LCN6: variants seen among roughly 807,000 people sequenced by gnomAD.
LCN6 encodes epididymal-specific lipocalin-6.
In LCN6, 20 loss-of-function variants were observed where a neutral mutation model predicts 21.4. The observed-to-expected ratio is 0.93, with a 90% CI of 0.66 to 1.36. The LOEUF is 1.36. Ranked by LOEUF, LCN6 falls within the 40% of genes most tolerant of loss-of-function variation. The probability of loss-of-function intolerance (pLI) is 0.00; values close to 1 mark genes in which losing one functional copy is unlikely to be tolerated. For missense variants in LCN6, 217 were observed against 206.6 expected (o/e 1.05, Z -0.31); for synonymous variants, 96 against 89.0 (o/e 1.08, Z -0.44).
At chr9:136,745,559 A>G (rs12346364) in intron 3 of LCN6, 15,788 of 586,292 alleles carry the variant, frequency 0.027, 1,985 homozygotes, top group African/African-American at 0.26. Flanking sequence ...GGGTCACACC[A>G]GCCCAGCCCT....
In LCN6 at chr9:136,745,933, G is replaced by A. The variant is rs757430385; in HGVS notation, c.231-19C>T. The A allele has an allele frequency of 6.2e-7, 1 of 1,612,400 alleles. No individual in the cohort carries two copies. Among genetic ancestry groups the A allele is most frequent in the Non-Finnish European group, 8.5e-7 (1 of 1,178,882 alleles). On this transcript the variant is annotated intron_variant, in intron 2 of 6. Transcript: ENST00000341206. The stretch of plus-strand genomic sequence containing the variant: ...TCCCAGCCTGGAAAAGAAGGGGCCT[G>A]TCACCCACTCAGGGTCAAGACCCCG...
At position 136,744,397 on chromosome 9, in the gene LCN6, G is replaced by A. The variant is rs561868672; in HGVS notation, c.*23-33C>T. 6.7e-6 allele frequency: 3 copies of A among 447,694 alleles called. No individual in the cohort carries two copies. The highest frequency in any genetic ancestry group is 1.2e-5 in the Non-Finnish European group (3 of 246,474). 27.7% of individuals were successfully genotyped at this position (447,694 alleles called of 1,614,324 possible). On this transcript the variant is annotated intron_variant, in intron 5 of 6. Coordinates refer to ENST00000341206, the MANE Select transcript of LCN6 (RefSeq NM_198946.3). The surrounding 1 kb of genome is among the most constrained non-coding windows in gnomAD (Gnocchi z 4.2). ...GGGAGGCAAGACTGGCTGTGAAAAA[G>A]GACTGAGCCCCCCAGCACCCCAGGG...
Position 136,747,536 on chromosome 9 carries a change from C to T in LCN6, c.118G>A (p.Val40Met). 1 of 1,612,600 alleles carries T rather than the reference C, an allele frequency of 6.2e-7. No individual in the cohort carries two copies. Residue 40 changes from valine to methionine, a missense_variant, in exon 2 of 7, where the codon GTG (valine) becomes ATG (methionine). Val to Met is a conservative substitution (Grantham distance 21). Coordinates refer to ENST00000341206, the MANE Select transcript of LCN6 (RefSeq NM_198946.3). The part of the protein sequence containing the change: ...QLLGPWYVLA[V>M]ASREKGFAME... ...GCAAAGCCCTTTTCCCGGGAGGCCA[C>T]CGCAAGCACGTACCAGGGCCCAAGA...
At position 136,744,134 on chromosome 9, in the gene LCN6, C is replaced by T. The variant is rs1847000389; in HGVS notation, c.*57G>A. 1 of 153,574 alleles carries T rather than the reference C, an allele frequency of 6.5e-6. No homozygotes were observed. The highest frequency in any genetic ancestry group is 2.4e-5 in the African/African-American group (1 of 41,464). The allele number at this position is 153,574 out of a possible 1,614,324, so 9.5% of individuals were successfully genotyped here. ...GTGGGCGCCATCCCTACTGGGGACG[C>T]AGCACTCACTGAAAACCAAGAGGAG... On this transcript the variant is annotated 3_prime_UTR_variant, in exon 7 of 7. Transcript: ENST00000341206. This position sits in a 1 kb window ranked among gnomAD's most constrained non-coding sequence, Gnocchi z 4.2.
chr9:136,745,820 T>G (rs1588301305), intron 3 of LCN6, 24 bp downstream of exon 3: 3 of 1,604,582 alleles, frequency 1.9e-6, no homozygotes, highest in Non-Finnish European at 2.6e-6. Flanking sequence ...ACGGCCTGGG[T>G]GAGGCCGTGG....
At chr9:136,746,570 C>T (rs950039615) in intron 2 of LCN6, among the ~76,000 whole-genome samples, 3 of 152,176 alleles carry the variant, frequency 2.0e-5, no homozygotes, top group Admixed American at 6.5e-5. Context: ...GGAGCTGCCA[C>T]CTCAGCCTGG....
At chr9:136,746,189 C>G (rs1280885595) in intron 2 of LCN6, among the ~76,000 whole-genome samples, 1 of 148,582 alleles carries the variant, frequency 6.7e-6, no homozygotes, top group Non-Finnish European at 1.5e-5. Flanking sequence ...ACAGGAGACT[C>G]GACAGACGGG....
In LCN6 at chr9:136,747,519, C is replaced by G. The variant is rs1262340279; in HGVS notation, c.135G>C (p.Lys45Asn). Residue 45 changes from lysine (K) to asparagine (N), a missense_variant, in exon 2 of 7, where the codon AAG becomes AAC. Transcript: ENST00000341206. The stretch of plus-strand genomic sequence containing the variant: ...TCATGTCCTTCTCCATGGCAAAGCC[C>G]TTTTCCCGGGAGGCCACCGCAAGCA... ...WYVLAVASRE[K>N]GFAMEKDMKN... 1.2e-6 allele frequency: 2 copies of G among 1,613,332 alleles called. No homozygotes were observed. Among genetic ancestry groups the G allele is most frequent in the East Asian group, 2.2e-5 (1 of 44,894 alleles).
chr9:136,745,479 C>T (rs1298140405), intron 3 of LCN6, 199 bp from the exon 4 acceptor site: 5 of 535,808 alleles, frequency 9.3e-6, no homozygotes, highest in Non-Finnish European at 1.7e-5. Flanking sequence ...CATCAAGGGG[C>T]TTTCAGACAC....
rs1428970358 is a variant in LCN6 at position 136,744,657 on chromosome 9, G to A, written c.*5C>T. The A allele has an allele frequency of 1.2e-6, 2 of 1,604,008 alleles. No homozygotes were observed. Among genetic ancestry groups the A allele is most frequent in the African/African-American group, 2.7e-5 (2 of 74,758 alleles). ...ACACTCACGGTCCTTCTGCAGCTGGGCCTGCTACTGTGACAGGAAGCCCAG... is the reference window on the plus strand; with the variant it reads ...ACACTCACGGTCCTTCTGCAGCTGGACCTGCTACTGTGACAGGAAGCCCAG... On this transcript the variant is annotated 3_prime_UTR_variant, in exon 5 of 7. Coordinates refer to ENST00000341206, the MANE Select transcript of LCN6 (RefSeq NM_198946.3). The surrounding 1 kb of genome is among the most constrained non-coding windows in gnomAD (Gnocchi z 4.2).
In LCN6 at chr9:136,745,171, G is replaced by T. The variant is rs752475612; in HGVS notation, c.411C>A (p.Tyr137Ter). ...GDEPFNTVEL[Y>*]SLTETASQEA... ...GTGGGCCCCGCACAGCACACTTACT[G>T]TACAGCTCCACGGTGTTGAAGGGCT... is the stretch of plus-strand genomic sequence containing the variant. Residue 137 changes from tyrosine to a stop codon, truncating the protein, a stop_gained and splice_region_variant, in exon 4 of 7, where the codon TAC (tyrosine) becomes TAA (stop). Coordinates refer to ENST00000341206, the MANE Select transcript of LCN6 (RefSeq NM_198946.3). LOFTEE classifies it high-confidence loss of function. 4 of 1,602,794 alleles carry T rather than the reference G, an allele frequency of 2.5e-6. No individual in the cohort carries two copies. The South Asian group carries it at 3.3e-5, about 13-fold the overall frequency.
rs755586865 is a variant in LCN6 at position 136,744,785 on chromosome 9, C to T, written c.413-44G>A. The T allele has an allele frequency of 1.6e-5, 16 of 1,014,812 alleles. No homozygotes were observed. In the Middle Eastern group the frequency reaches 1.8e-3, roughly 112 times the overall value. 62.9% of individuals were successfully genotyped at this position (1,014,812 alleles called of 1,614,324 possible). A position where few individuals can be genotyped will look rare whatever the true frequency, so the allele number is the denominator to read the frequency against. On this transcript the variant is annotated intron_variant, in intron 4 of 6. Transcript: ENST00000341206. The surrounding 1 kb of genome is among the most constrained non-coding windows in gnomAD (Gnocchi z 4.2). ...TGCAGGGGGAAGCAACCTCTGAGAGCTGGGGAGGGGCCGGGGAGGGGCTGG... is the reference window on the plus strand; with the variant it reads ...TGCAGGGGGAAGCAACCTCTGAGAGTTGGGGAGGGGCCGGGGAGGGGCTGG...
In LCN6 at chr9:136,744,648, T is replaced by G. The variant is rs763172821; in HGVS notation, c.*14A>C. The G allele has an allele frequency of 9.4e-6, 15 of 1,600,066 alleles. No homozygotes were observed. Among genetic ancestry groups the G allele is most frequent in the Non-Finnish European group, 1.3e-5 (15 of 1,170,076 alleles). On this transcript the variant is annotated 3_prime_UTR_variant, in exon 5 of 7. Transcript: ENST00000341206. This position sits in a 1 kb window ranked among gnomAD's most constrained non-coding sequence, Gnocchi z 4.2. ...CTCCGGTGGACACTCACGGTCCTTC[T>G]GCAGCTGGGCCTGCTACTGTGACAG...
rs375640201 is a variant in LCN6 at position 136,748,477 on chromosome 9, C to T, written c.7G>A (p.Gly3Ser). Residue 3 changes from glycine to serine, a missense_variant, in exon 1 of 7, where the codon GGC becomes AGC. Coordinates refer to ENST00000341206, the MANE Select transcript of LCN6 (RefSeq NM_198946.3). MG[G>S]LLLAAFLALV... is the part of the protein sequence containing the mutation. ...GCCAGAAAAGCAGCCAGCAGCAGGC[C>T]GCCCATCCTCCCAGGTCTACACTGC... is the stretch of plus-strand genomic sequence containing the variant. The T allele has an allele frequency of 1.1e-5, 17 of 1,612,786 alleles. No homozygotes were observed. Among genetic ancestry groups the T allele is most frequent in the East Asian group, 6.7e-5 (3 of 44,874 alleles).
chr9:136,744,624 T>C lies in LCN6; in HGVS notation c.*22+16A>G. 6.5e-7 allele frequency: 1 copy of C among 1,540,428 alleles called. No individual in the cohort carries two copies. Among genetic ancestry groups the C allele is most frequent in the Non-Finnish European group, 8.9e-7 (1 of 1,120,236 alleles). On this transcript the variant is annotated intron_variant, in intron 5 of 6. Coordinates refer to ENST00000341206, the MANE Select transcript of LCN6 (RefSeq NM_198946.3). The surrounding 1 kb of genome is among the most constrained non-coding windows in gnomAD (Gnocchi z 4.2). ...TGCCCCAAGCCTCCCCCGAGGCTGC[T>C]CCGGTGGACACTCACGGTCCTTCTG...
Position 136,748,431 on chromosome 9 carries a change from G to A in LCN6, c.53C>T (p.Ala18Val). 6.2e-7 allele frequency: 1 copy of A among 1,613,116 alleles called. No individual in the cohort carries two copies. The highest frequency in any genetic ancestry group is 8.5e-7 in the Non-Finnish European group (1 of 1,179,934). Residue 18 changes from alanine to valine, a missense_variant, in exon 1 of 7, where the codon GCC becomes GTC. By Grantham distance (64) the Ala-to-Val change is moderately conservative. Coordinates refer to ENST00000341206, the MANE Select transcript of LCN6 (RefSeq NM_198946.3). Reference protein sequence around the residue: ...AFLALVSVPRAQAVWLGRLDP... With the variant: ...AFLALVSVPRVQAVWLGRLDP... ...CAGTCTTCCCAACCACACGGCCTGG[G>A]CCCTGGGCACCGAGACCAAAGCCAG...
intron 1 of LCN6, 78 bp downstream of exon 1, chr9:136,748,316 G>A: frequency 7.8e-7 from 1 of 1,289,968 alleles, no homozygotes. Context: ...TAGCCCTGGG[G>A]GGCCCAGAAG....
intron 2 of LCN6, among the ~76,000 whole-genome samples, chr9:136,746,742 G>A (rs1328972661): frequency 3.3e-5 from 5 of 152,170 alleles, no homozygotes; most frequent in Non-Finnish European, 7.4e-5. Context: ...GTTCAGGCCT[G>A]GGCTCTGTCG....
chr9:136,746,428 C>T (rs1196001190), intron 2 of LCN6, among the ~76,000 whole-genome samples: 5 of 151,908 alleles, frequency 3.3e-5, no homozygotes, highest in Non-Finnish European at 7.4e-5. Flanking sequence ...GGGGAAGGGG[C>T]CGGCGCTCCC....
Sources: gnomAD v4.1 joint callset for allele counts (sites outside exome capture counted in the v4.1 genomes callset) on GRCh38, gnomAD v4.1.1 for gene constraint, Gnocchi (gnomAD v3.1) non-coding constraint, MANE v1.5 for transcripts, NCBI Gene and HGNC (gene_info 2026-07-23, HGNC 2026-07-21) for gene names.